The following AXDND1 variants were observed in gnomAD, a reference collection of about 807,000 sequenced individuals.
AXDND1 encodes the protein axonemal dynein light chain domain containing 1.
A neutral mutation model predicts 137.5 loss-of-function variants in AXDND1; 110 were observed. The observed-to-expected ratio is 0.80, with a 90% CI of 0.69 to 0.94. The LOEUF is 0.94. Among genes scored for constraint, AXDND1 ranks in the 40% least tolerant of loss-of-function variants. The pLI, the probability that AXDND1 is intolerant of heterozygous loss-of-function variation, is 0.00. For missense variants in AXDND1, 1,191 were observed against 1,169.8 expected (o/e 1.02, Z -0.26); for synonymous variants, 414 against 399.7 (o/e 1.04, Z -0.43).
At chr1:179,421,971 C>T (rs1220611144) in intron 12 of AXDND1, among the ~76,000 whole-genome samples, 2 of 148,744 alleles carry the variant, frequency 1.3e-5, no homozygotes, top group East Asian at 4.0e-4. Context: ...ATCCGGGAGG[C>T]AGAGGTTGCG....
chr1:179,552,553 C>T (rs759791753), intron 25 of AXDND1: 31 of 1,421,948 alleles, frequency 2.2e-5, no homozygotes, highest in African/African-American at 5.6e-5. Flanking sequence ...ATGTTCTCCA[C>T]GAGCAGGCCT....
chr1:179,393,791 G>C (rs1352258506), intron 9 of AXDND1, 112 bp from the exon 10 acceptor site: 1 of 776,510 alleles, frequency 1.3e-6, no homozygotes, highest in East Asian at 3.1e-5. Flanking sequence ...TCTCAGCTTG[G>C]TTTTCTTGGT....
chr1:179,546,280 G>T (rs1437344790), intron 25 of AXDND1: 1 of 150,610 alleles, frequency 6.6e-6, no homozygotes, highest in Non-Finnish European at 1.5e-5. Context: ...TCAGGGTGGG[G>T]TTAGGAAGAC....
intron 9 of AXDND1, among the ~76,000 whole-genome samples, chr1:179,388,788 G>C (rs930899872): frequency 2.7e-5 from 4 of 148,678 alleles, no homozygotes; most frequent in African/African-American, 7.5e-5. Flanking sequence ...GTAGAGACAG[G>C]GTTCGCCATA....
chr1:179,372,840 T>G (rs1484048185), intron 4 of AXDND1, among the ~76,000 whole-genome samples: 1 of 152,048 alleles, frequency 6.6e-6, no homozygotes, highest in African/African-American at 2.4e-5. Flanking sequence ...TGCACCACCA[T>G]GCCCAGCTAA....
At chr1:179,429,488 G>T (rs771141813) in intron 12 of AXDND1, 30 bp from the exon 13 acceptor site, 1 of 1,201,872 alleles carries the variant, frequency 8.3e-7, no homozygotes, top group South Asian at 1.7e-5. Context: ...AATGTTTTAG[G>T]TTCCTGATTA....
At chr1:179,460,193 T>G (rs1662117701) in intron 16 of AXDND1, among the ~76,000 whole-genome samples, 1 of 151,706 alleles carries the variant, frequency 6.6e-6, no homozygotes, top group Non-Finnish European at 1.5e-5. Flanking sequence ...CGCTCCCACC[T>G]CCCCCCACCC....
chr1:179,543,230 C>T (rs1245247828), intron 25 of AXDND1: 1 of 151,984 alleles, frequency 6.6e-6, no homozygotes, highest in Non-Finnish European at 1.5e-5. Flanking sequence ...ATTTTTATGT[C>T]AGTATTTTTA....
chr1:179,541,685 CATG>C (rs1251379468), intron 25 of AXDND1, among the ~76,000 whole-genome samples: 2 of 146,294 alleles, frequency 1.4e-5, no homozygotes, highest in Non-Finnish European at 3.0e-5. Context: ...AATAATATTG[CATG>C]ATAATATGCA....
intron 4 of AXDND1, among the ~76,000 whole-genome samples, chr1:179,376,459 G>A (rs71630218): frequency 0.016 from 2,372 of 152,272 alleles, 19 homozygotes; most frequent in Non-Finnish European, 0.025. Context: ...TACAGTTCAA[G>A]GCTGTGTTGT....
chr1:179,398,799 G>C (rs924173907), intron 11 of AXDND1, among the ~76,000 whole-genome samples: 3 of 152,030 alleles, frequency 2.0e-5, no homozygotes, highest in East Asian at 1.9e-4. Flanking sequence ...GGGTGCTTGT[G>C]GGGGTGGGAC....
chr1:179,422,595 GA>G (rs1655929348), intron 12 of AXDND1, among the ~76,000 whole-genome samples: 1 of 152,144 alleles, frequency 6.6e-6, no homozygotes, highest in African/African-American at 2.4e-5. Flanking sequence ...CTGACAAAAT[GA>G]ATGTGTATTC....
intron 21 of AXDND1, among the ~76,000 whole-genome samples, chr1:179,513,944 T>C (rs1376522644): frequency 6.6e-6 from 1 of 152,152 alleles, no homozygotes; most frequent in African/African-American, 2.4e-5. Flanking sequence ...GTTATTTGGA[T>C]TTTTTCTGTT....
At chr1:179,516,039 G>A (rs1669504284) in intron 21 of AXDND1, among the ~76,000 whole-genome samples, 1 of 152,088 alleles carries the variant, frequency 6.6e-6, no homozygotes. Context: ...AGGTGTGTGT[G>A]GTGGGCTATA....
At chr1:179,537,369 G>A (rs549024253) in intron 25 of AXDND1, among the ~76,000 whole-genome samples, 102 of 152,274 alleles carry the variant, frequency 6.7e-4, no homozygotes, top group Non-Finnish European at 1.2e-3. Flanking sequence ...CTTGAGATAC[G>A]TTCCATCATC....
At chr1:179,523,099 C>T (rs1046382772) in intron 21 of AXDND1, among the ~76,000 whole-genome samples, 1 of 151,882 alleles carries the variant, frequency 6.6e-6, no homozygotes, top group Non-Finnish European at 1.5e-5. Context: ...TGGCTTTCCT[C>T]GTGGCCTCTC....
At chr1:179,506,778 C>T in intron 20 of AXDND1, 1 of 797,710 alleles carries the variant, frequency 1.3e-6, no homozygotes, top group South Asian at 5.7e-5. Context: ...TCATCTCTGC[C>T]CTGTGTAGTC....
chr1:179,395,860 A>T (rs929407666), intron 11 of AXDND1, among the ~76,000 whole-genome samples: 1 of 152,124 alleles, frequency 6.6e-6, no homozygotes, highest in Non-Finnish European at 1.5e-5. Context: ...TAGGAAACAA[A>T]ATTTTATAGA....
At chr1:179,510,106 A>T (rs902837759) in intron 21 of AXDND1, among the ~76,000 whole-genome samples, 1 of 151,090 alleles carries the variant, frequency 6.6e-6, no homozygotes, top group African/African-American at 2.4e-5. Context: ...TCTTTATTTC[A>T]CCCTTGTTTT....
Sources: allele counts gnomAD v4.1 joint callset (sites outside exome capture counted in the v4.1 genomes callset), GRCh38; gene constraint gnomAD v4.1.1; transcripts MANE v1.5; gene names NCBI Gene and HGNC (gene_info 2026-07-23, HGNC 2026-07-21).